Variants in WDR35 observed in about 807,000 individuals in gnomAD.
WDR35 encodes the protein WD repeat domain 35.
WDR35 carries 118 observed loss-of-function variants against 158.3 expected under a neutral mutation model. The observed-to-expected ratio is 0.75, with a 90% CI of 0.64 to 0.87. The LOEUF (loss-of-function observed/expected upper bound fraction) is 0.87. WDR35 is among the 40% of genes least tolerant of loss of function. The pLI, the probability that WDR35 is intolerant of heterozygous loss-of-function variation, is 0.00. For synonymous variants in WDR35, 448 were observed against 476.1 expected (o/e 0.94, Z 0.77); for missense variants, 1,263 against 1,405.8 (o/e 0.90, Z 1.62).
chr2:19,928,142 G>A (rs1670414308), intron 25 of WDR35, among the ~76,000 whole-genome samples: 1 of 152,186 alleles, frequency 6.6e-6, no homozygotes, highest in Non-Finnish European at 1.5e-5. Context: ...TGAGGGCAAG[G>A]AACACCTGGC....
At chr2:19,986,677 A>G (rs1672576719) in intron 2 of WDR35, among the ~76,000 whole-genome samples, 1 of 152,014 alleles carries the variant, frequency 6.6e-6, no homozygotes, top group African/African-American at 2.4e-5. Flanking sequence ...ATTGGCAGAA[A>G]GGTACCTGAG....
intron 11 of WDR35, among the ~76,000 whole-genome samples, chr2:19,954,308 GA>G (rs1671353014): frequency 6.6e-6 from 1 of 152,054 alleles, no homozygotes; most frequent in Non-Finnish European, 1.5e-5. Flanking sequence ...AATGACAAAA[GA>G]AAAATTAGAT....
At chr2:19,965,124 T>C (rs376449164) in intron 10 of WDR35, among the ~76,000 whole-genome samples, 207 of 152,278 alleles carry the variant, frequency 1.4e-3, no homozygotes, top group African/African-American at 4.8e-3. Flanking sequence ...GGTTTCACCA[T>C]GTTAGCCAGG....
intron 25 of WDR35, among the ~76,000 whole-genome samples, chr2:19,929,016 C>G (rs1373588678): frequency 1.3e-5 from 2 of 152,068 alleles, no homozygotes; most frequent in East Asian, 3.9e-4. Flanking sequence ...ACCGTGTTAG[C>G]CGGGATGCTC....
chr2:19,915,711 G>T (rs912597164), intron 25 of WDR35, among the ~76,000 whole-genome samples: 1 of 151,620 alleles, frequency 6.6e-6, no homozygotes, highest in Non-Finnish European at 1.5e-5. Flanking sequence ...GGAATAAACT[G>T]AAAAATAAAC....
In WDR35 at chr2:19,951,488, C is replaced by CA; in HGVS notation, c.1401-5dup. ...GGTATCATCAACATGATAAATTCTG[C>CA]AAAAAAGATCAGAATTTCAAAGAAA... On this transcript the variant is annotated splice_polypyrimidine_tract_variant and splice_region_variant and intron_variant, in intron 12 of 26. Coordinates refer to ENST00000281405, the MANE Select transcript of WDR35 (RefSeq NM_020779.4). 1 of 1,606,348 alleles carries CA rather than the reference C, an allele frequency of 6.2e-7. No individual in the cohort carries two copies. Among genetic ancestry groups the CA allele is most frequent in the Non-Finnish European group, 8.5e-7 (1 of 1,174,946 alleles).
intron 7 of WDR35, among the ~76,000 whole-genome samples, chr2:19,974,236 C>T (rs1338723287): frequency 6.6e-6 from 1 of 151,890 alleles, no homozygotes; most frequent in Non-Finnish European, 1.5e-5. Context: ...GGGTGAAACC[C>T]CGTCTCTACG....
chr2:19,943,395 C>T (rs1670938477), intron 16 of WDR35, among the ~76,000 whole-genome samples: 1 of 151,994 alleles, frequency 6.6e-6, no homozygotes, highest in Admixed American at 6.6e-5. Context: ...GTGCATTATG[C>T]TGATATACTA....
chr2:19,937,856 C>T lies in WDR35; in HGVS notation c.2154G>A (p.Lys718=), dbSNP rs2103405404. ...GTAGTTTGCCCAAGCGCTTCACAAA[C>T]TTAATGCCTTGGTAATCTTTGCAGC... ...FVRCKDYQGI[K]FVKRLGKLLS... is the part of the protein sequence containing the mutation. Residue 718 remains lysine (K), a synonymous_variant, in exon 19 of 27, where the codon AAG becomes AAA. Transcript: ENST00000281405. 7.4e-6 allele frequency: 12 copies of T among 1,614,146 alleles called. 1 individual carries two copies. The highest frequency in any genetic ancestry group is 6.7e-5 in the African/African-American group (5 of 75,048).
chr2:19,984,019 AT>A, intron 2 of WDR35, among the ~76,000 whole-genome samples: 1 of 3,044 alleles, frequency 3.3e-4, no homozygotes, highest in East Asian at 0.021. Flanking sequence ...ATATATATAT[AT>A]ATATATATAT....
chr2:19,970,148 T>C (rs1572357966), intron 8 of WDR35, among the ~76,000 whole-genome samples: 1 of 152,140 alleles, frequency 6.6e-6, no homozygotes, highest in South Asian at 2.1e-4. Flanking sequence ...TAAAATGCCA[T>C]AGACTGAAAC....
At chr2:19,945,737 T>C (rs372451709) in intron 16 of WDR35, 49 bp downstream of exon 16, 69 of 1,603,394 alleles carry the variant, frequency 4.3e-5, no homozygotes, top group Non-Finnish European at 5.1e-5. Context: ...CAGGTTTTTA[T>C]ATTTGGCTCA....
rs1224158664 is a variant in WDR35, at chr2:19,945,993, A to G, written c.1638T>C (p.Arg546=). Residue 546 remains arginine (R), a synonymous_variant, in exon 16 of 27, where the codon CGT becomes CGC. Transcript: ENST00000281405. The part of the protein sequence containing the change: ...YQLSLNCNSS[R]LAIIDISGVL... ...CTCCTGAGATGTCTATGATAGCAAG[A>G]CGGCTAAAAACAATGCAATTAGAGA... 1 of 1,613,722 alleles carries G rather than the reference A, an allele frequency of 6.2e-7. No homozygotes were observed. The highest frequency in any genetic ancestry group is 2.2e-5 in the East Asian group (1 of 44,872).
At chr2:19,915,952 C>T (rs1356310787) in intron 25 of WDR35, among the ~76,000 whole-genome samples, 1 of 148,378 alleles carries the variant, frequency 6.7e-6, no homozygotes, top group East Asian at 2.0e-4. Context: ...TTGGCCTTGG[C>T]TGGCAAGATG....
chr2:19,980,503 G>A (rs545938380), intron 4 of WDR35, among the ~76,000 whole-genome samples, 188 bp downstream of exon 4: 1 of 152,166 alleles, frequency 6.6e-6, no homozygotes, highest in Admixed American at 6.5e-5. Flanking sequence ...CTTAATAACA[G>A]GGTTAAAGTT....
intron 7 of WDR35, 29 bp from the exon 8 acceptor site, chr2:19,973,737 T>C: frequency 6.2e-7 from 1 of 1,601,230 alleles, no homozygotes; most frequent in African/African-American, 1.3e-5. Context: ...ATGAGGTCAC[T>C]GTGGGAAAAT....
At chr2:19,914,400 G>T in intron 25 of WDR35, 123 bp from the exon 26 acceptor site, 2 of 1,280,282 alleles carry the variant, frequency 1.6e-6, no homozygotes, top group Non-Finnish European at 2.2e-6. Context: ...AAAGCAAACA[G>T]TGTTGAGAGA....
intron 11 of WDR35, among the ~76,000 whole-genome samples, chr2:19,958,434 T>C (rs1296138553): frequency 6.6e-6 from 1 of 152,198 alleles, no homozygotes; most frequent in Non-Finnish European, 1.5e-5. Context: ...AGGGAAGCAA[T>C]AAATCACTGT....
chr2:19,986,752 T>A (rs1672578865), intron 2 of WDR35, among the ~76,000 whole-genome samples: 1 of 152,072 alleles, frequency 6.6e-6, no homozygotes, highest in Non-Finnish European at 1.5e-5. Context: ...GTAAACCTGA[T>A]GTAAAAAGAT....
Sources: allele counts gnomAD v4.1 joint callset (sites outside exome capture counted in the v4.1 genomes callset), GRCh38; gene constraint gnomAD v4.1.1; transcripts MANE v1.5; gene names NCBI Gene and HGNC (gene_info 2026-07-23, HGNC 2026-07-21).